Variants in NUP85 observed in about 807,000 individuals in gnomAD.
NUP85 encodes the protein nuclear pore complex protein Nup85.
A neutral mutation model predicts 92.8 loss-of-function variants in NUP85; 23 were observed. The observed-to-expected ratio is 0.25, with a 90% confidence interval of 0.18 to 0.35. NUP85 has a LOEUF of 0.35. NUP85 is among the 10% of genes least tolerant of loss of function. The pLI, the probability that NUP85 is intolerant of heterozygous loss-of-function variation, is 1.00. For missense variants in NUP85, 759 were observed against 822.8 expected, an observed-to-expected ratio of 0.92 and a Z score of 0.95; for synonymous variants, 314 against 306.9, an observed-to-expected ratio of 1.02 and a Z score of -0.24.
Position 75,233,075 on chromosome 17 carries a change from G to T in NUP85, c.1532G>T (p.Cys511Phe), listed in dbSNP as rs1401353832. Residue 511 changes from cysteine (C) to phenylalanine (F), a missense_variant, in exon 16 of 19, where the codon TGT (cysteine) becomes TTT (phenylalanine). Transcript: ENST00000245544. ...CCCTGCAGGTTCCTCAGGGATTACT[G>T]TGAGCGAGGCTGCTTTTCTGATTTG... ...LVSDRFLRDYCERGCFSDLDL... is the reference protein window; with the variant it reads ...LVSDRFLRDYFERGCFSDLDL... The T allele has an allele frequency of 5.0e-6, 8 of 1,614,048 alleles. No individual in the cohort carries two copies. The highest frequency in any genetic ancestry group is 6.8e-6 in the Non-Finnish European group (8 of 1,180,046).
chr17:75,223,531 G>T (rs1245112150), intron 7 of NUP85, among the ~76,000 whole-genome samples: 1 of 152,002 alleles, frequency 6.6e-6, no homozygotes, highest in African/African-American at 2.4e-5. Context: ...GGGACTACAG[G>T]CATGCACCAT....
chr17:75,211,916 T>C lies in NUP85; in HGVS notation c.291-76T>C, dbSNP rs1555660297. 42 of 1,157,050 alleles carry C rather than the reference T, an allele frequency of 3.6e-5. No homozygotes were observed. In the South Asian group the frequency reaches 4.8e-4, roughly 13 times the overall value. 71.7% of individuals were successfully genotyped at this position (1,157,050 alleles called of 1,614,324 possible). On this transcript the variant is annotated intron_variant, in intron 3 of 18. Transcript: ENST00000245544. The stretch of plus-strand genomic sequence containing the variant: ...CTTTCTTTCAGCAAATTTCTGCATT[T>C]ATTTGAGTGTTTCCTTCCTTTGTGG...
At chr17:75,223,803 CT>C in intron 7 of NUP85, among the ~76,000 whole-genome samples, 1 of 152,160 alleles carries the variant, frequency 6.6e-6, no homozygotes, top group Non-Finnish European at 1.5e-5. Flanking sequence ...AACAAAACTT[CT>C]CACATATTTA....
intron 18 of NUP85, 97 bp downstream of exon 18, chr17:75,235,298 T>TGGAC: frequency 1.2e-6 from 1 of 801,858 alleles, no homozygotes; most frequent in East Asian, 2.5e-5. Flanking sequence ...CTGGCTCCTA[T>TGGAC]GGACACATGT....
chr17:75,225,201 C>T lies in NUP85; in HGVS notation c.696C>T (p.Ile232=). ...ASPASAGICR[I]MGDLMRTMPI... ...CCGCCTCTGCAGGCATATGCCGAAT[C>T]ATGGGGGACCTGATGAGGACAATGC... is the stretch of plus-strand genomic sequence containing the variant. The change falls in exon 8 of 19, where the codon ATC becomes ATT. Residue 232 remains isoleucine, a synonymous_variant. Coordinates refer to ENST00000245544, the MANE Select transcript of NUP85 (RefSeq NM_024844.5). 6.2e-7 allele frequency: 1 copy of T among 1,609,442 alleles called. No individual in the cohort carries two copies. Among genetic ancestry groups the T allele is most frequent in the Non-Finnish European group, 8.5e-7 (1 of 1,176,954 alleles).
At chr17:75,214,338 T>G (rs1462865920) in intron 5 of NUP85, among the ~76,000 whole-genome samples, 2 of 152,174 alleles carry the variant, frequency 1.3e-5, no homozygotes, top group Admixed American at 1.3e-4. Context: ...TGAAGGATGG[T>G]GAGGAAGGGA....
At chr17:75,211,070 T>C (rs1207420043) in intron 3 of NUP85, among the ~76,000 whole-genome samples, 1 of 145,488 alleles carries the variant, frequency 6.9e-6, no homozygotes, top group African/African-American at 2.6e-5. Context: ...TGGCGCAATC[T>C]TGGCCCACTG....
chr17:75,208,383 T>A (rs2075152734), intron 1 of NUP85, 144 bp from the exon 2 acceptor site: 2 of 645,220 alleles, frequency 3.1e-6, no homozygotes, highest in East Asian at 5.1e-5. Context: ...AGGCGGCGAT[T>A]GGAGCAAGCT....
intron 7 of NUP85, among the ~76,000 whole-genome samples, chr17:75,223,198 C>T (rs2075650421): frequency 6.6e-6 from 1 of 152,054 alleles, no homozygotes; most frequent in African/African-American, 2.4e-5. Context: ...AAAAATGTGG[C>T]ACTAACTGCA....
intron 11 of NUP85, chr17:75,229,243 G>C (rs763946395): frequency 1.0e-4 from 84 of 818,324 alleles, no homozygotes; most frequent in Non-Finnish European, 1.2e-4. Flanking sequence ...GCAGGGTGCA[G>C]CAGTGTTTAC....
At chr17:75,206,909 G>C (rs930564110) in intron 1 of NUP85, among the ~76,000 whole-genome samples, 1 of 151,878 alleles carries the variant, frequency 6.6e-6, no homozygotes, top group Non-Finnish European at 1.5e-5. Flanking sequence ...GGGTTTCACC[G>C]TGTTGGCCAG....
Position 75,211,982 on chromosome 17 carries a change from T to C in NUP85, c.291-10T>C, listed in dbSNP as rs1598270461. The C allele has an allele frequency of 7.5e-6, 12 of 1,608,282 alleles. No individual in the cohort carries two copies. The East Asian group carries it at 2.7e-4, about 36-fold the overall frequency. On this transcript the variant is annotated splice_polypyrimidine_tract_variant and intron_variant, in intron 3 of 18. Transcript: ENST00000245544. ...CAGGCTCATCTTGTGTGTTATTTCA[T>C]TTTTTGTAGATTGGTTCGAGTGAGT...
At chr17:75,226,868 A>T (rs1411934319) in intron 11 of NUP85, 6 of 343,938 alleles carry the variant, frequency 1.7e-5, no homozygotes, top group Non-Finnish European at 2.9e-5. Flanking sequence ...CAAGAGTCTC[A>T]CTCCAGTGAC....
chr17:75,230,857 T>C (rs1048153591), intron 11 of NUP85, among the ~76,000 whole-genome samples: 4 of 151,528 alleles, frequency 2.6e-5, no homozygotes, highest in Admixed American at 1.3e-4. Flanking sequence ...GAGGCAGAGG[T>C]TGCAGTGAGT....
chr17:75,235,696 G>GT lies in NUP85; in HGVS notation c.*18dup, dbSNP rs1568100698. The GT allele has an allele frequency of 2.0e-6, 3 of 1,520,012 alleles. No individual in the cohort carries two copies. In the East Asian group the frequency reaches 6.8e-5, roughly 34 times the overall value. 94.2% of individuals were successfully genotyped at this position (1,520,012 alleles called of 1,614,324 possible). ...GGTTCCTGAGAACTGCTTCAATGTG[G>GT]TATCTTTGTATGGCAATGTATATAG... is the stretch of plus-strand genomic sequence containing the variant. On this transcript the variant is annotated 3_prime_UTR_variant, in exon 19 of 19. Coordinates refer to ENST00000245544, the MANE Select transcript of NUP85 (RefSeq NM_024844.5).
chr17:75,224,874 C>T (rs1446358115), intron 7 of NUP85, among the ~76,000 whole-genome samples: 3 of 150,376 alleles, frequency 2.0e-5, no homozygotes, highest in Non-Finnish European at 4.4e-5. Flanking sequence ...TGGACTACAG[C>T]TGGCTGTTTG....
intron 5 of NUP85, among the ~76,000 whole-genome samples, chr17:75,213,389 C>T (rs1349546137): frequency 6.6e-6 from 1 of 150,406 alleles, no homozygotes; most frequent in Non-Finnish European, 1.5e-5. Flanking sequence ...GCCCTGGGTT[C>T]AAGCATTTCT....
Position 75,228,297 on chromosome 17 carries a change from G to T in NUP85, c.1094+2140G>T, listed in dbSNP as rs1043301801. 11 of 985,276 alleles carry T rather than the reference G, an allele frequency of 1.1e-5. 1 individual carries two copies. In the Admixed American group the frequency reaches 5.5e-4, roughly 50 times the overall value. 61.0% of individuals were successfully genotyped at this position (985,276 alleles called of 1,614,324 possible). A position where few individuals can be genotyped will look rare whatever the true frequency, so the allele number is the denominator to read the frequency against. ...GAGGGGTGAACAACATCACTCTCGT[G>T]CCGGACACAGACAAGGAATGATTAG... is the stretch of plus-strand genomic sequence containing the variant. On this transcript the variant is annotated intron_variant, in intron 11 of 18. Coordinates refer to ENST00000245544, the MANE Select transcript of NUP85 (RefSeq NM_024844.5).
intron 11 of NUP85, chr17:75,227,035 T>G: frequency 5.0e-6 from 1 of 201,192 alleles, no homozygotes. Flanking sequence ...TCCAGAACTC[T>G]CCATATATGG....
Sources: allele counts gnomAD v4.1 joint callset (sites outside exome capture counted in the v4.1 genomes callset), GRCh38; gene constraint gnomAD v4.1.1; transcripts MANE v1.5; gene names NCBI Gene and HGNC (gene_info 2026-07-23, HGNC 2026-07-21).